TTC7B: variants seen among roughly 807,000 people sequenced by gnomAD.
TTC7B encodes tetratricopeptide repeat domain 7B.
In TTC7B, 28 loss-of-function variants were observed where a neutral mutation model predicts 106.8. The ratio of observed to expected loss-of-function variants is 0.26; its 90% CI spans 0.19 to 0.36. The LOEUF (loss-of-function observed/expected upper bound fraction) is 0.36. Among genes scored for constraint, TTC7B ranks in the 10% least tolerant of loss-of-function variants. TTC7B has a pLI of 1.00. For synonymous variants in TTC7B, 405 were observed against 430.6 expected, an observed-to-expected ratio of 0.94 and a Z score of 0.74; for missense variants, 862 against 1,076.4, an observed-to-expected ratio of 0.80 and a Z score of 2.79.
intron 6 of TTC7B, among the ~76,000 whole-genome samples, 160 bp downstream of exon 6, chr14:90,695,340 T>C (rs1367115386): frequency 6.7e-6 from 1 of 149,006 alleles, no homozygotes; most frequent in East Asian, 1.9e-4. Context: ...ATGTCACATA[T>C]ATTTATTATA....
chr14:90,559,110 G>C (rs1269205917), intron 19 of TTC7B, among the ~76,000 whole-genome samples: 1 of 152,222 alleles, frequency 6.6e-6, no homozygotes, highest in Admixed American at 6.5e-5. Flanking sequence ...AGCTGTGACG[G>C]GCAGGGCACA....
intron 1 of TTC7B, among the ~76,000 whole-genome samples, chr14:90,790,464 T>A (rs1891546979): frequency 6.6e-6 from 1 of 152,122 alleles, no homozygotes. Flanking sequence ...GAGTCCTAGA[T>A]TTAAACCCAA....
At chr14:90,721,149 T>C (rs1346231248) in intron 5 of TTC7B, among the ~76,000 whole-genome samples, 1 of 151,970 alleles carries the variant, frequency 6.6e-6, no homozygotes, top group Non-Finnish European at 1.5e-5. Context: ...TAAATGCCAA[T>C]CACTAACCTC....
At position 90,533,523 on chromosome 14, in the gene TTC7B, A is replaced by C. The variant is rs146489146; in HGVS notation, c.*7845T>G. 9.8e-5 allele frequency: 15 copies of C among 152,534 alleles called. 1 individual carries two copies. The East Asian group carries it at 2.9e-3, about 29-fold the overall frequency. The allele number at this position is 152,534 out of a possible 1,614,324, so 9.4% of individuals were successfully genotyped here. ...CTTTATGGTGCACCCCGGGGGCCCC[A>C]TGCCCTGTCCAGGTTGACCTCTGTT... On this transcript the variant is annotated 3_prime_UTR_variant, in exon 20 of 20. Transcript: ENST00000328459.
chr14:90,771,837 G>T, intron 3 of TTC7B, among the ~76,000 whole-genome samples: 1 of 149,400 alleles, frequency 6.7e-6, no homozygotes. Flanking sequence ...TCAAGTAACA[G>T]TATGGTACCT....
intron 15 of TTC7B, among the ~76,000 whole-genome samples, chr14:90,629,827 G>A (rs1037273543): frequency 6.6e-6 from 1 of 152,332 alleles, no homozygotes; most frequent in East Asian, 1.9e-4. Context: ...CTGAGCCCCC[G>A]GCGGTCAGCC....
At chr14:90,728,847 T>C (rs1485989929) in intron 5 of TTC7B, among the ~76,000 whole-genome samples, 2 of 152,392 alleles carry the variant, frequency 1.3e-5, no homozygotes, top group African/African-American at 4.8e-5. Flanking sequence ...TCCTCCGTGA[T>C]GACCACCATT....
At chr14:90,812,658 C>T (rs971947929) in intron 1 of TTC7B, among the ~76,000 whole-genome samples, 5 of 151,864 alleles carry the variant, frequency 3.3e-5, no homozygotes, top group Admixed American at 6.6e-5. Flanking sequence ...TGACCATTCT[C>T]TCAGTGGGAC....
At chr14:90,630,838 G>GTT (rs139299361) in intron 15 of TTC7B, among the ~76,000 whole-genome samples, 6 of 92,642 alleles carry the variant, frequency 6.5e-5, no homozygotes, top group Middle Eastern at 7.2e-3. Context: ...CTTGTTTTTT[G>GTT]TTTTTTTTTT....
chr14:90,720,101 C>A (rs1455459763), intron 5 of TTC7B, among the ~76,000 whole-genome samples: 1 of 151,450 alleles, frequency 6.6e-6, no homozygotes, highest in African/African-American at 2.4e-5. Context: ...ATTCTTCTTC[C>A]AATGTGGCCC....
At chr14:90,778,892 C>T (rs1891120261) in intron 3 of TTC7B, among the ~76,000 whole-genome samples, 1 of 152,228 alleles carries the variant, frequency 6.6e-6, no homozygotes, top group African/African-American at 2.4e-5. Context: ...ATATCACCCC[C>T]TTCACAAAGC....
At chr14:90,730,280 G>A (rs1232967443) in intron 4 of TTC7B, 84 bp from the exon 5 acceptor site, 31 of 1,490,426 alleles carry the variant, frequency 2.1e-5, no homozygotes, top group Admixed American at 1.2e-4. Context: ...TGTACTGCTC[G>A]ACCTAAAAAA....
chr14:90,734,695 A>C (rs1889453080), intron 4 of TTC7B, among the ~76,000 whole-genome samples: 1 of 152,136 alleles, frequency 6.6e-6, no homozygotes, highest in Non-Finnish European at 1.5e-5. Context: ...GAGCTCTCAG[A>C]GTTCTCTGAG....
intron 1 of TTC7B, among the ~76,000 whole-genome samples, chr14:90,799,838 GT>G (rs1211228808): frequency 2.0e-5 from 3 of 150,924 alleles, no homozygotes; most frequent in Admixed American, 6.6e-5. Flanking sequence ...TTTTTTGTTT[GT>G]TTTTTTTTGA....
At chr14:90,553,500 C>T (rs985805496) in intron 19 of TTC7B, among the ~76,000 whole-genome samples, 1 of 152,198 alleles carries the variant, frequency 6.6e-6, no homozygotes, top group Non-Finnish European at 1.5e-5. Flanking sequence ...GGACCAGGAG[C>T]TTGTGATTTC....
intron 14 of TTC7B, 85 bp downstream of exon 14, chr14:90,646,866 C>A (rs1441184126): frequency 1.6e-6 from 2 of 1,238,612 alleles, no homozygotes; most frequent in African/African-American, 1.5e-5. Context: ...AAAGGAAGAT[C>A]ACCTACCACT....
rs1179106719 is a variant in TTC7B, at chr14:90,807,781, C to A, written c.121+8394G>T. Among the ~76,000 whole-genome samples the A allele has an allele frequency of 6.6e-6, 1 of 152,204 alleles. No homozygotes were observed. Among genetic ancestry groups the A allele is most frequent in the African/African-American group, 2.4e-5 (1 of 41,454 alleles). ...ACCCTCAGCCAAGATGTCTGGTAAT[C>A]TATAAACTACACTTAGTTTAGTATT... On this transcript the variant is annotated intron_variant, in intron 1 of 19. Coordinates refer to ENST00000328459, the MANE Select transcript of TTC7B (RefSeq NM_001010854.2). This position sits in a 1 kb window ranked among gnomAD's most constrained non-coding sequence, Gnocchi z 4.1.
chr14:90,644,242 TACAC>T, intron 14 of TTC7B, 34 bp from the exon 15 acceptor site: 1 of 275,764 alleles, frequency 3.6e-6, no homozygotes, highest in Non-Finnish European at 4.6e-6. Flanking sequence ...AGGTTTTACA[TACAC>T]ACATGCACAC....
chr14:90,585,344 C>T (rs187058441), intron 18 of TTC7B, among the ~76,000 whole-genome samples: 2 of 152,344 alleles, frequency 1.3e-5, no homozygotes, highest in Non-Finnish European at 2.9e-5. Flanking sequence ...GCCTCAGCCC[C>T]GCTGTTCTGA....
Sources: gnomAD v4.1 joint callset for allele counts (sites outside exome capture counted in the v4.1 genomes callset) on GRCh38, gnomAD v4.1.1 for gene constraint, Gnocchi (gnomAD v3.1) non-coding constraint, MANE v1.5 for transcripts, NCBI Gene and HGNC (gene_info 2026-07-23, HGNC 2026-07-21) for gene names.